PIGU: variants seen among roughly 807,000 people sequenced by gnomAD.
The protein encoded by PIGU is phosphatidylinositol glycan anchor biosynthesis class U.
A neutral mutation model predicts 49.9 loss-of-function variants in PIGU; 24 were observed. The observed-to-expected ratio is 0.48, with a 90% CI of 0.35 to 0.68. The LOEUF is 0.68. Among genes scored for constraint, PIGU ranks in the 30% least tolerant of loss-of-function variants. The pLI is 0.01. For missense variants in PIGU, 490 were observed against 532.6 expected (o/e 0.92, Z 0.79); for synonymous variants, 220 against 205.7 (o/e 1.07, Z -0.59).
chr20:34,625,879 C>T (rs1310246174), intron 6 of PIGU, among the ~76,000 whole-genome samples: 2 of 150,572 alleles, frequency 1.3e-5, no homozygotes, highest in Admixed American at 1.3e-4. Context: ...CACTGCACTT[C>T]AGCCTGAGTG....
intron 11 of PIGU, among the ~76,000 whole-genome samples, chr20:34,574,164 G>A (rs1236949241): frequency 1.3e-5 from 2 of 152,248 alleles, no homozygotes; most frequent in East Asian, 3.8e-4. Flanking sequence ...AGCCTGACCT[G>A]AGAGAAGGCA....
Position 34,587,457 on chromosome 20 carries a change from C to T in PIGU, c.782+996G>A, listed in dbSNP as rs1484004586. Among the ~76,000 whole-genome samples, 3 of 152,190 alleles carry T rather than the reference C, an allele frequency of 2.0e-5. No individual in the cohort carries two copies. In the East Asian group the frequency reaches 5.8e-4, roughly 29 times the overall value. On this transcript the variant is annotated intron_variant, in intron 8 of 11. Transcript: ENST00000217446. ...AGAATAATTAAATCTAGCTAGTTAACATTTCCATCACTTCAAATATTAAAC... is the reference window on the plus strand; with the variant it reads ...AGAATAATTAAATCTAGCTAGTTAATATTTCCATCACTTCAAATATTAAAC...
At chr20:34,590,675 GA>G (rs923929182) in intron 7 of PIGU, among the ~76,000 whole-genome samples, 3 of 151,134 alleles carry the variant, frequency 2.0e-5, no homozygotes, top group African/African-American at 7.3e-5. Flanking sequence ...ATGTTGTTAG[GA>G]AAAAAATCAG....
Position 34,676,978 on chromosome 20 carries a change from G to A in PIGU, c.108C>T (p.Ser36=), listed in dbSNP as rs1388129537. ...EFISERVEVV[S]PLSSWKRVVE... ...CACCTCTCTTCCAAGAGCTCAGTGG[G>A]GACACCACCTCCACCCGCTCGGAAA... Residue 36 remains serine, a synonymous_variant, in exon 1 of 12, where the codon TCC becomes TCT. Transcript: ENST00000217446. 12 of 1,579,282 alleles carry A rather than the reference G, an allele frequency of 7.6e-6. No homozygotes were observed. Among genetic ancestry groups the A allele is most frequent in the Non-Finnish European group, 1.0e-5 (12 of 1,163,624 alleles).
At chr20:34,657,123 G>T in intron 2 of PIGU, 57 bp downstream of exon 2, 1 of 1,291,904 alleles carries the variant, frequency 7.7e-7, no homozygotes, top group Non-Finnish European at 1.1e-6. Context: ...GTTAGGCTTT[G>T]GTATCTGTGA....
At chr20:34,613,230 G>T (rs1984885608) in intron 7 of PIGU, among the ~76,000 whole-genome samples, 1 of 152,052 alleles carries the variant, frequency 6.6e-6, no homozygotes, top group African/African-American at 2.4e-5. Flanking sequence ...CCCAACTTCA[G>T]CTCTTCCTAC....
intron 7 of PIGU, among the ~76,000 whole-genome samples, chr20:34,600,142 C>G (rs922593664): frequency 1.6e-4 from 25 of 152,148 alleles, no homozygotes; most frequent in Non-Finnish European, 3.1e-4. Flanking sequence ...CATGGTGGCT[C>G]AGGCCTGTAA....
At chr20:34,579,613 G>A (rs558826454) in intron 10 of PIGU, among the ~76,000 whole-genome samples, 49 of 152,284 alleles carry the variant, frequency 3.2e-4, no homozygotes, top group African/African-American at 1.1e-3. Context: ...CTCCAAGCAC[G>A]TGTACTCCCT....
At chr20:34,663,314 A>G (rs1389806500) in intron 1 of PIGU, among the ~76,000 whole-genome samples, 1 of 152,066 alleles carries the variant, frequency 6.6e-6, no homozygotes, top group South Asian at 2.1e-4. Flanking sequence ...CTGTCTCTAT[A>G]AAAAAACAAA....
At chr20:34,610,883 G>A (rs1487111304) in intron 7 of PIGU, among the ~76,000 whole-genome samples, 1 of 152,080 alleles carries the variant, frequency 6.6e-6, no homozygotes, top group Non-Finnish European at 1.5e-5. Context: ...ACAGAACAGA[G>A]GCCTCAGAAA....
At chr20:34,590,798 G>A (rs1484564704) in intron 7 of PIGU, among the ~76,000 whole-genome samples, 2 of 152,086 alleles carry the variant, frequency 1.3e-5, no homozygotes, top group East Asian at 1.9e-4. Flanking sequence ...TGAGGCAAGC[G>A]GATCATGAGG....
chr20:34,652,818 T>C (rs1004091273), intron 2 of PIGU, among the ~76,000 whole-genome samples: 4 of 152,176 alleles, frequency 2.6e-5, no homozygotes, highest in Admixed American at 2.6e-4. Context: ...AGAGAATATA[T>C]TTTGTATAAC....
At chr20:34,562,087 G>C (rs2146686227) in intron 11 of PIGU, among the ~76,000 whole-genome samples, 1 of 152,282 alleles carries the variant, frequency 6.6e-6, no homozygotes, top group South Asian at 2.1e-4. Flanking sequence ...TAGAAGCTCA[G>C]CCCACTGTCT....
intron 6 of PIGU, among the ~76,000 whole-genome samples, chr20:34,628,125 A>G (rs1985563743): frequency 6.6e-6 from 1 of 152,172 alleles, no homozygotes; most frequent in Non-Finnish European, 1.5e-5. Flanking sequence ...AAACTATTTA[A>G]CAATAGTGTA....
rs1367672968 is a variant in PIGU at position 34,657,228 on chromosome 20, T to G, written c.147A>C (p.Ser49=). The change falls in exon 2 of 12, where the codon TCA becomes TCC. Residue 49 remains serine (S), a synonymous_variant. Coordinates refer to ENST00000217446, the MANE Select transcript of PIGU (RefSeq NM_080476.5). ...ACGGAGATACTCCCAAGTCCAACAG[T>G]GAAAGGCCTTCAACCACTGAAAAAT... ...SSWKRVVEGL[S]LLDLGVSPYS... is the part of the protein sequence containing the mutation. 6.2e-7 allele frequency: 1 copy of G among 1,612,676 alleles called. No individual in the cohort carries two copies. The highest frequency in any genetic ancestry group is 8.5e-7 in the Non-Finnish European group (1 of 1,178,850).
chr20:34,657,383 T>C, intron 1 of PIGU, 139 bp from the exon 2 acceptor site: 6 of 636,092 alleles, frequency 9.4e-6, no homozygotes, highest in Non-Finnish European at 1.4e-5. Flanking sequence ...GCTTTAAGTC[T>C]TGAACATTTC....
intron 10 of PIGU, among the ~76,000 whole-genome samples, chr20:34,580,002 C>T (rs969078633): frequency 3.3e-5 from 5 of 152,116 alleles, no homozygotes; most frequent in Admixed American, 6.5e-5. Context: ...AAATCAGATG[C>T]TCAGAAAGGT....
intron 1 of PIGU, among the ~76,000 whole-genome samples, chr20:34,658,976 C>T (rs1388634130): frequency 7.4e-5 from 11 of 149,610 alleles, no homozygotes; most frequent in East Asian, 2.0e-4. Context: ...CCCAGCCAGC[C>T]GCCCCGTCCG....
chr20:34,585,795 T>C (rs956231308), intron 8 of PIGU, among the ~76,000 whole-genome samples: 1 of 152,090 alleles, frequency 6.6e-6, no homozygotes, highest in Non-Finnish European at 1.5e-5. Flanking sequence ...ATAACAAATA[T>C]TAGCTAAGCC....
Sources: allele counts gnomAD v4.1 joint callset (sites outside exome capture counted in the v4.1 genomes callset), GRCh38; gene constraint gnomAD v4.1.1; transcripts MANE v1.5; gene names NCBI Gene and HGNC (gene_info 2026-07-23, HGNC 2026-07-21).